Variants in CMSS1 observed in about 807,000 individuals in gnomAD.
The protein encoded by CMSS1 is protein CMSS1.
Under a neutral mutation model 43.5 loss-of-function variants are expected in CMSS1, and 33 were observed. The observed-to-expected ratio is 0.76, with a 90% CI of 0.57 to 1.01. The LOEUF is 1.01. CMSS1 is among the 50% of genes least tolerant of loss of function. The probability of loss-of-function intolerance (pLI) is 0.00; values close to 1 mark genes in which losing one functional copy is unlikely to be tolerated. For missense variants in CMSS1, 313 were observed against 326.4 expected (o/e 0.96, Z 0.32); for synonymous variants, 115 against 117.2 (o/e 0.98, Z 0.12).
chr3:99,887,370 G>A (rs534166044), intron 1 of CMSS1, among the ~76,000 whole-genome samples: 26 of 152,318 alleles, frequency 1.7e-4, no homozygotes, highest in Admixed American at 5.2e-4. Flanking sequence ...CCAGGAAGGA[G>A]AATGGTGGAA....
At chr3:99,826,329 C>G (rs1942535209) in intron 1 of CMSS1, among the ~76,000 whole-genome samples, 1 of 152,060 alleles carries the variant, frequency 6.6e-6, no homozygotes, top group Non-Finnish European at 1.5e-5. Flanking sequence ...GGTCAGCAAA[C>G]TTTTTTCATA....
At chr3:100,042,835 G>A (rs1045399686) in intron 1 of CMSS1, among the ~76,000 whole-genome samples, 3 of 152,122 alleles carry the variant, frequency 2.0e-5, no homozygotes, top group Admixed American at 6.5e-5. Flanking sequence ...CGGGAAGCTG[G>A]GACAGTTCAA....
intron 2 of CMSS1, 89 bp from the exon 3 acceptor site, chr3:100,160,341 G>T (rs2067012902): frequency 1.0e-5 from 7 of 681,442 alleles, no homozygotes; most frequent in South Asian, 7.9e-5. Flanking sequence ...AAGAATACAT[G>T]CATGGCAGAA....
intron 1 of CMSS1, among the ~76,000 whole-genome samples, chr3:100,005,169 C>A (rs1240690592): frequency 6.6e-6 from 1 of 152,176 alleles, no homozygotes; most frequent in Non-Finnish European, 1.5e-5. Flanking sequence ...AACCAGGAAA[C>A]CTCCCTTTCT....
At chr3:100,025,567 G>C (rs1273999017) in intron 1 of CMSS1, 3 of 152,114 alleles carry the variant, frequency 2.0e-5, no homozygotes, top group African/African-American at 7.2e-5. Context: ...AGGTAAGATG[G>C]CTTTGCTGTT....
intron 1 of CMSS1, among the ~76,000 whole-genome samples, chr3:100,116,544 T>C (rs1248710631): frequency 1.3e-5 from 2 of 152,160 alleles, no homozygotes; most frequent in Non-Finnish European, 2.9e-5. Flanking sequence ...GAAAATGGTA[T>C]TTAGAAACCA....
At chr3:100,013,454 G>A (rs986552029) in intron 1 of CMSS1, among the ~76,000 whole-genome samples, 1 of 151,580 alleles carries the variant, frequency 6.6e-6, no homozygotes. Context: ...ATGTTGGCCA[G>A]ACTGGTCTCA....
chr3:99,964,584 T>TCA (rs995909165), intron 1 of CMSS1, among the ~76,000 whole-genome samples: 69 of 152,112 alleles, frequency 4.5e-4, no homozygotes, highest in African/African-American at 1.6e-3. Flanking sequence ...TGACATTGAA[T>TCA]CAGGTTCTTG....
At chr3:100,044,997 C>G (rs542365408) in intron 1 of CMSS1, among the ~76,000 whole-genome samples, 1 of 152,038 alleles carries the variant, frequency 6.6e-6, no homozygotes. Context: ...CTAGCCTGGG[C>G]GTAGAGAGGA....
At chr3:100,087,502 T>C (rs1465290472) in intron 1 of CMSS1, among the ~76,000 whole-genome samples, 1 of 152,234 alleles carries the variant, frequency 6.6e-6, no homozygotes, top group Non-Finnish European at 1.5e-5. Context: ...TGAGCATCTT[T>C]TCATAGACCT....
At position 99,965,851 on chromosome 3, in the gene CMSS1, C is replaced by T. The variant is rs150512364; in HGVS notation, c.64+147808C>T. Among the ~76,000 whole-genome samples, 707 of 152,228 alleles carry T rather than the reference C, an allele frequency of 4.6e-3. 2 individuals carry two copies. The highest frequency in any genetic ancestry group is 7.0e-3 in the South Asian group (34 of 4,830). On this transcript the variant is annotated intron_variant, in intron 1 of 9. Coordinates refer to ENST00000421999, the MANE Select transcript of CMSS1 (RefSeq NM_032359.4). The stretch of plus-strand genomic sequence containing the variant: ...GCAGTTGCAGTTTTCCTGCCCAGCC[C>T]GCAGCCACTGGCCATGCAGTCATGT...
intron 1 of CMSS1, among the ~76,000 whole-genome samples, chr3:100,139,995 C>T (rs1198612519): frequency 6.6e-6 from 1 of 152,134 alleles, no homozygotes; most frequent in Non-Finnish European, 1.5e-5. Flanking sequence ...TAAAAGTATG[C>T]TGATCCCACT....
intron 1 of CMSS1, among the ~76,000 whole-genome samples, chr3:100,093,832 C>A (rs1193592590): frequency 6.6e-6 from 1 of 152,128 alleles, no homozygotes; most frequent in Non-Finnish European, 1.5e-5. Context: ...ATTTTTTTCA[C>A]TTATCACATA....
At chr3:100,119,854 G>T (rs1200827008) in intron 1 of CMSS1, among the ~76,000 whole-genome samples, 1 of 152,164 alleles carries the variant, frequency 6.6e-6, no homozygotes, top group African/African-American at 2.4e-5. Context: ...TTAAGAGTGG[G>T]ATTATTTATA....
At chr3:100,038,564 C>G (rs932430970) in intron 1 of CMSS1, among the ~76,000 whole-genome samples, 2 of 152,102 alleles carry the variant, frequency 1.3e-5, no homozygotes, top group Admixed American at 1.3e-4. Context: ...TTGGAAATAA[C>G]CTAAATGTAC....
intron 1 of CMSS1, among the ~76,000 whole-genome samples, chr3:99,859,264 T>G (rs1233960789): frequency 6.6e-6 from 1 of 152,230 alleles, no homozygotes; most frequent in African/African-American, 2.4e-5. Context: ...GTACTTGCTA[T>G]TTGTCAGTTC....
At chr3:99,935,265 C>A (rs1359042642) in intron 1 of CMSS1, among the ~76,000 whole-genome samples, 107 of 143,852 alleles carry the variant, frequency 7.4e-4, no homozygotes, top group East Asian at 1.0e-3. Flanking sequence ...TTCAGGGTAC[C>A]AAAAAAAAAA....
intron 1 of CMSS1, among the ~76,000 whole-genome samples, chr3:100,009,738 T>C (rs1253164019): frequency 1.3e-5 from 2 of 152,216 alleles, no homozygotes; most frequent in African/African-American, 4.8e-5. Context: ...GAGGCAAAGA[T>C]ATTTGAAAGT....
intron 1 of CMSS1, among the ~76,000 whole-genome samples, chr3:99,970,130 T>C (rs887504137): frequency 6.6e-6 from 1 of 152,382 alleles, no homozygotes; most frequent in East Asian, 1.9e-4. Context: ...CCTCATACTT[T>C]GCGTGCATTA....
Sources: gnomAD v4.1 joint callset for allele counts (sites outside exome capture counted in the v4.1 genomes callset) on GRCh38, gnomAD v4.1.1 for gene constraint, MANE v1.5 for transcripts, NCBI Gene and HGNC (gene_info 2026-07-23, HGNC 2026-07-21) for gene names.